Variants in CERKL observed in about 807,000 individuals in gnomAD.
The protein encoded by CERKL is CERK like autophagy regulator.
In CERKL, 61 loss-of-function variants were observed where a neutral mutation model predicts 63.4. That is an observed-to-expected ratio of 0.96 (90% CI 0.78 to 1.19). CERKL has a LOEUF of 1.19. Ranked by LOEUF, CERKL falls within the 50% of genes most tolerant of loss-of-function variation. The pLI, the probability that CERKL is intolerant of heterozygous loss-of-function variation, is 0.00. For missense variants in CERKL, 675 were observed against 655.5 expected (o/e 1.03, Z -0.33); for synonymous variants, 250 against 230.5 (o/e 1.08, Z -0.77).
chr2:181,537,716 T>G lies in CERKL; in HGVS notation c.*468A>C, dbSNP rs772272934. On this transcript the variant is annotated 3_prime_UTR_variant, in exon 13 of 13. Transcript: ENST00000410087. Reference sequence around the variant, plus strand: ...GTATTATGATGGTTGCAAAGTTTTTTTGTGTGTCCAATAAACACATTGTAA... The same window carrying G: ...GTATTATGATGGTTGCAAAGTTTTTGTGTGTGTCCAATAAACACATTGTAA... 1.1e-4 allele frequency: 48 copies of G among 428,908 alleles called. No homozygotes were observed. The highest frequency in any genetic ancestry group is 8.6e-4 in the African/African-American group (42 of 48,828). 26.6% of individuals were successfully genotyped at this position (428,908 alleles called of 1,614,324 possible).
intron 2 of CERKL, among the ~76,000 whole-genome samples, chr2:181,580,969 G>A (rs543314885): frequency 6.6e-6 from 1 of 152,178 alleles, no homozygotes; most frequent in South Asian, 2.1e-4. Context: ...TCTGGGTTCA[G>A]TTTGGTCATG....
intron 2 of CERKL, among the ~76,000 whole-genome samples, chr2:181,584,777 T>C (rs1684688387): frequency 6.6e-6 from 1 of 151,806 alleles, no homozygotes; most frequent in Non-Finnish European, 1.5e-5. Context: ...AAAAGGAAAT[T>C]ATGTTACTTT....
chr2:181,640,616 C>T (rs999448800), intron 1 of CERKL, among the ~76,000 whole-genome samples: 9 of 152,190 alleles, frequency 5.9e-5, no homozygotes, highest in South Asian at 2.1e-4. Context: ...TCAACAAGGA[C>T]GGTCCATTTT....
At chr2:181,611,428 G>C (rs1559104947) in intron 1 of CERKL, among the ~76,000 whole-genome samples, 1 of 152,018 alleles carries the variant, frequency 6.6e-6, no homozygotes, top group Non-Finnish European at 1.5e-5. Flanking sequence ...GGAGGCTGAG[G>C]CAGGAGGATA....
At position 181,548,888 on chromosome 2, in the gene CERKL, A is replaced by G. The variant is rs1687856477; in HGVS notation, c.896-31T>C. ...ATATTACATTAAATATTAATCAGTGAGTACAGTAGGACTTGTATCAAAACA... is the reference window on the plus strand; with the variant it reads ...ATATTACATTAAATATTAATCAGTGGGTACAGTAGGACTTGTATCAAAACA... On this transcript the variant is annotated intron_variant, in intron 6 of 12. Coordinates refer to ENST00000410087, the MANE Select transcript of CERKL (RefSeq NM_201548.5). 3.1e-6 allele frequency: 5 copies of G among 1,588,378 alleles called. No individual in the cohort carries two copies. The East Asian group carries it at 1.1e-4, about 36-fold the overall frequency.
At chr2:181,593,759 T>C (rs149549189) in intron 2 of CERKL, among the ~76,000 whole-genome samples, 2 of 151,950 alleles carry the variant, frequency 1.3e-5, no homozygotes, top group Non-Finnish European at 2.9e-5. Context: ...AGCCCATTGA[T>C]GGACTCCTTT....
intron 1 of CERKL, among the ~76,000 whole-genome samples, chr2:181,611,815 C>A (rs1174117053): frequency 1.3e-5 from 2 of 152,058 alleles, no homozygotes; most frequent in Non-Finnish European, 2.9e-5. Context: ...CATGAATATG[C>A]ATATGAAAAT....
chr2:181,591,879 C>G (rs1685003803), intron 2 of CERKL, among the ~76,000 whole-genome samples: 1 of 152,126 alleles, frequency 6.6e-6, no homozygotes, highest in Non-Finnish European at 1.5e-5. Context: ...CAATACTGTT[C>G]CCCACCAAAA....
chr2:181,587,342 G>A (rs1684810603), intron 2 of CERKL, among the ~76,000 whole-genome samples: 1 of 152,146 alleles, frequency 6.6e-6, no homozygotes, highest in South Asian at 2.1e-4. Flanking sequence ...AGAATCACCT[G>A]CTGCCGGAAT....
chr2:181,553,740 A>G (rs2105812075), intron 5 of CERKL, among the ~76,000 whole-genome samples: 1 of 152,308 alleles, frequency 6.6e-6, no homozygotes, highest in South Asian at 2.1e-4. Flanking sequence ...ATTAATCTGT[A>G]TCTTAGTCTT....
intron 5 of CERKL, among the ~76,000 whole-genome samples, chr2:181,554,164 C>CAAAA (rs36086391): frequency 2.1e-5 from 2 of 94,276 alleles, no homozygotes; most frequent in African/African-American, 4.1e-5. Context: ...ACTATGGAGG[C>CAAAA]AAAAAAAAAA....
intron 2 of CERKL, among the ~76,000 whole-genome samples, chr2:181,599,328 G>A (rs946838550): frequency 7.2e-5 from 11 of 152,050 alleles, no homozygotes; most frequent in African/African-American, 2.2e-4. Context: ...CTGAGTTCAG[G>A]AGTTCGAGAC....
intron 1 of CERKL, among the ~76,000 whole-genome samples, chr2:181,610,497 T>G (rs547425561): frequency 6.6e-6 from 1 of 152,256 alleles, no homozygotes; most frequent in Non-Finnish European, 1.5e-5. Context: ...GCAATATTCA[T>G]GCTCTTCAAT....
rs184826510 is a variant in CERKL, at chr2:181,619,266, C to T, written c.239-15187G>A. ...AATGTATAGGGTTGGGGGAGGTCTC[C>T]AAGAATGGCACCAACAGAAAACATG... On this transcript the variant is annotated intron_variant, in intron 1 of 12. Transcript: ENST00000410087. Among the ~76,000 whole-genome samples the T allele has an allele frequency of 1.1e-3, 164 of 151,846 alleles. 4 individuals carry two copies. The East Asian group carries it at 0.029, about 27-fold the overall frequency.
Position 181,627,158 on chromosome 2 carries a change from A to C in CERKL, c.239-23079T>G, listed in dbSNP as rs2105925459. Among the ~76,000 whole-genome samples, 4 of 152,276 alleles carry C rather than the reference A, an allele frequency of 2.6e-5. 1 individual carries two copies. The highest frequency in any genetic ancestry group is 2.6e-4 in the Admixed American group (4 of 15,278). On this transcript the variant is annotated intron_variant, in intron 1 of 12. Transcript: ENST00000410087. ...AAATATTGAGGATTTGAGGTTGATT[A>C]AATATGGTTCTTTCCCTGTAGCAGT...
chr2:181,652,128 T>C lies in CERKL; in HGVS notation c.238+4641A>G, dbSNP rs577572609. On this transcript the variant is annotated intron_variant, in intron 1 of 12. Coordinates refer to ENST00000410087, the MANE Select transcript of CERKL (RefSeq NM_201548.5). ...AATTGCTATCAGAATACCAACACCA[T>C]TCTTTACAGAAATGTTACAATCTGA... 2.0e-5 allele frequency among the ~76,000 whole-genome samples: 3 copies of C among 152,166 alleles called. No homozygotes were observed. The South Asian group carries it at 6.2e-4, about 32-fold the overall frequency.
intron 1 of CERKL, among the ~76,000 whole-genome samples, chr2:181,646,922 A>C (rs1687695404): frequency 6.6e-6 from 1 of 152,234 alleles, no homozygotes; most frequent in African/African-American, 2.4e-5. Context: ...CTAGGAGATT[A>C]TCAGAGCAAG....
rs1039907135 is a variant in CERKL at position 181,656,761 on chromosome 2, G to A, written c.238+8C>T. ...GGGAGGCGAAGACGCTTGGGGCCGGGCACTCACCCGCCGGGCGCTCGGGCT... is the reference window on the plus strand; with the variant it reads ...GGGAGGCGAAGACGCTTGGGGCCGGACACTCACCCGCCGGGCGCTCGGGCT... On this transcript the variant is annotated splice_region_variant and intron_variant, in intron 1 of 12. Coordinates refer to ENST00000410087, the MANE Select transcript of CERKL (RefSeq NM_201548.5). 3.2e-6 allele frequency: 5 copies of A among 1,586,736 alleles called. No individual in the cohort carries two copies. The highest frequency in any genetic ancestry group is 2.7e-5 in the African/African-American group (2 of 73,614).
At chr2:181,629,164 A>G (rs1342761782) in intron 1 of CERKL, among the ~76,000 whole-genome samples, 4 of 152,208 alleles carry the variant, frequency 2.6e-5, no homozygotes, top group African/African-American at 4.8e-5. Flanking sequence ...ATGATTTTAT[A>G]TAAGAATCTT....
Sources: allele counts gnomAD v4.1 joint callset (sites outside exome capture counted in the v4.1 genomes callset), GRCh38; gene constraint gnomAD v4.1.1; transcripts MANE v1.5; gene names NCBI Gene and HGNC (gene_info 2026-07-23, HGNC 2026-07-21).